Variants in HGD observed in about 807,000 individuals in gnomAD.
HGD encodes the protein homogentisate oxidase.
HGD carries 61 observed loss-of-function variants against 60.8 expected under a neutral mutation model. The observed-to-expected ratio is 1.00, with a 90% CI of 0.82 to 1.24. The LOEUF (loss-of-function observed/expected upper bound fraction) is 1.24, where lower values mean the gene tolerates loss of function less well. Among genes scored for constraint, HGD ranks in the 50% most tolerant of loss-of-function variants. The pLI is 0.00. For missense variants in HGD, 542 were observed against 547.1 expected (o/e 0.99, Z 0.09); for synonymous variants, 212 against 187.7 (o/e 1.13, Z -1.06).
chr3:120,664,995 G>A (rs1236961023), intron 4 of HGD, among the ~76,000 whole-genome samples: 2 of 152,176 alleles, frequency 1.3e-5, no homozygotes, highest in African/African-American at 4.8e-5. Context: ...ATTGCATAGG[G>A]TTAAAGAGTG....
At chr3:120,680,316 T>TTATA (rs1708209439) in intron 1 of HGD, among the ~76,000 whole-genome samples, 1 of 152,236 alleles carries the variant, frequency 6.6e-6, no homozygotes, top group South Asian at 2.1e-4. Flanking sequence ...ATAATGTTTA[T>TTATA]TGATTAGAAT....
chr3:120,633,689 T>C, intron 12 of HGD: 1 of 949,532 alleles, frequency 1.1e-6, no homozygotes, highest in Non-Finnish European at 1.5e-6. Flanking sequence ...GAGCCCTGTA[T>C]CAAAGTTATC....
intron 4 of HGD, among the ~76,000 whole-genome samples, chr3:120,653,255 A>G (rs1218423902): frequency 6.6e-6 from 1 of 152,200 alleles, no homozygotes; most frequent in Non-Finnish European, 1.5e-5. Context: ...AATCACAACA[A>G]TCTTTAATTT....
chr3:120,640,229 C>CG (rs1180231851), intron 11 of HGD, among the ~76,000 whole-genome samples: 1 of 27,432 alleles, frequency 3.6e-5, no homozygotes, highest in Non-Finnish European at 7.0e-5. Flanking sequence ...AAGGACGTGG[C>CG]GGGGATGGGG....
At chr3:120,668,082 C>A (rs1707940907) in intron 4 of HGD, among the ~76,000 whole-genome samples, 1 of 152,068 alleles carries the variant, frequency 6.6e-6, no homozygotes, top group African/African-American at 2.4e-5. Flanking sequence ...AGAATAGGGG[C>A]TGCATTTTGC....
chr3:120,675,048 CACCA>C (rs1399798349), intron 2 of HGD, 59 bp from the exon 3 acceptor site: 3 of 1,139,662 alleles, frequency 2.6e-6, no homozygotes, highest in Non-Finnish European at 4.0e-6. Flanking sequence ...CCCACCTTCC[CACCA>C]ACCAACTCAG....
intron 13 of HGD, among the ~76,000 whole-genome samples, chr3:120,632,133 G>C (rs1940610757): frequency 6.6e-6 from 1 of 152,114 alleles, no homozygotes; most frequent in East Asian, 1.9e-4. Context: ...GCAAGCAAAT[G>C]GGACTCTGAA....
rs2320007 is a variant in HGD at position 120,659,943 on chromosome 3, T to C, written c.283-7292A>G. On this transcript the variant is annotated intron_variant, in intron 4 of 13. Transcript: ENST00000283871. ...TGATGGGAGCAGGAGCAAGAGAGAG[T>C]GGGGGGTGGTTGCATAATGGGGGTG... 2.6e-4 allele frequency among the ~76,000 whole-genome samples: 38 copies of C among 144,784 alleles called. 1 individual carries two copies. Among genetic ancestry groups the C allele is most frequent in the Middle Eastern group, 3.6e-3 (1 of 276 alleles). 95.0% of individuals were successfully genotyped at this position (144,784 alleles called of 152,430 possible).
chr3:120,639,574 G>A (rs111784242), intron 11 of HGD, among the ~76,000 whole-genome samples: 1,526 of 152,314 alleles, frequency 0.01, 17 homozygotes, highest in African/African-American at 0.035. Flanking sequence ...AACCAACGGT[G>A]CCTGCTTCTC....
rs886905654 is a variant in HGD at position 120,638,563 on chromosome 3, C to A, written c.898G>T (p.Val300Leu). 8.7e-6 allele frequency: 14 copies of A among 1,613,838 alleles called. No homozygotes were observed. The highest frequency in any genetic ancestry group is 1.0e-5 in the Non-Finnish European group (12 of 1,179,944). Residue 300 changes from valine to leucine, a missense_variant, in exon 12 of 14, where the codon GTA (valine) becomes TTA (leucine). Coordinates refer to ENST00000283871, the MANE Select transcript of HGD (RefSeq NM_000187.4). ...GGGCGGACAGACTTAGCAGTCAATA[C>A]TGTGAAAATGGATGGGTCCTGTGAA... is the stretch of plus-strand genomic sequence containing the variant. Reference protein sequence around the residue: ...FDHADPSIFTVLTAKSVRPGV... With the variant: ...FDHADPSIFTLLTAKSVRPGV...
chr3:120,641,566 G>T lies in HGD; in HGVS notation c.879+23C>A, dbSNP rs768149630. The stretch of plus-strand genomic sequence containing the variant: ...CACCCAAGCGTTGCCTCATCCCAAG[G>T]CCCCTACAGGGTTCAGACTTACTGC... On this transcript the variant is annotated intron_variant, in intron 11 of 13. Transcript: ENST00000283871. 6.0e-6 allele frequency: 9 copies of T among 1,493,284 alleles called. No homozygotes were observed. In the African/African-American group the frequency reaches 1.1e-4, roughly 18 times the overall value. 92.5% of individuals were successfully genotyped at this position (1,493,284 alleles called of 1,614,324 possible). A position where few individuals can be genotyped will look rare whatever the true frequency, so the allele number is the denominator to read the frequency against.
intron 1 of HGD, among the ~76,000 whole-genome samples, chr3:120,677,119 T>G (rs1331753095): frequency 6.6e-6 from 1 of 152,216 alleles, no homozygotes; most frequent in African/African-American, 2.4e-5. Flanking sequence ...GGAGGATGTA[T>G]ATTGCCTCAG....
In HGD at chr3:120,658,721, G is replaced by A. The variant is rs148615122; in HGVS notation, c.283-6070C>T. Among the ~76,000 whole-genome samples, 145 of 152,268 alleles carry A rather than the reference G, an allele frequency of 9.5e-4. No homozygotes were observed. In the East Asian group the frequency reaches 0.017, roughly 18 times the overall value. ...AGTAGAGGTTCTCTGTGAGCACTCC[G>A]CCCCTGCAGCTGGCTTCTGCCTGAA... On this transcript the variant is annotated intron_variant, in intron 4 of 13. Transcript: ENST00000283871.
intron 6 of HGD, among the ~76,000 whole-genome samples, chr3:120,650,405 C>T (rs569807919): frequency 6.6e-6 from 1 of 152,356 alleles, no homozygotes; most frequent in East Asian, 1.9e-4. Flanking sequence ...CCATTGGTCA[C>T]TCATATTTGG....
chr3:120,659,519 C>T (rs1302860172), intron 4 of HGD, among the ~76,000 whole-genome samples: 1 of 152,206 alleles, frequency 6.6e-6, no homozygotes, highest in African/African-American at 2.4e-5. Context: ...CATTTGAGAT[C>T]TCCTCAGCCT....
At chr3:120,658,621 A>G (rs1559794139) in intron 4 of HGD, among the ~76,000 whole-genome samples, 1 of 152,206 alleles carries the variant, frequency 6.6e-6, no homozygotes, top group African/African-American at 2.4e-5. Flanking sequence ...CTCTTCTCAT[A>G]GCTCCACTAG....
chr3:120,639,157 T>C lies in HGD; in HGVS notation c.880-576A>G, dbSNP rs1940888429. ...AGTATGAAAATGGACTAATACAGGA[T>C]CCCATCACCCAGGTAGCGAGCATAG... On this transcript the variant is annotated intron_variant, in intron 11 of 13. Coordinates refer to ENST00000283871, the MANE Select transcript of HGD (RefSeq NM_000187.4). 2.0e-5 allele frequency among the ~76,000 whole-genome samples: 3 copies of C among 152,230 alleles called. No individual in the cohort carries two copies. The South Asian group carries it at 6.2e-4, about 32-fold the overall frequency.
chr3:120,647,545 T>C (rs917225770), intron 7 of HGD, among the ~76,000 whole-genome samples: 2 of 152,238 alleles, frequency 1.3e-5, no homozygotes, highest in Non-Finnish European at 2.9e-5. Flanking sequence ...GGGCTTTTAC[T>C]GAGAGAGTTT....
chr3:120,638,660 G>C lies in HGD; in HGVS notation c.880-79C>G. 2.0e-6 allele frequency: 3 copies of C among 1,507,240 alleles called. No individual in the cohort carries two copies. In the South Asian group the frequency reaches 3.4e-5, roughly 17 times the overall value. 93.4% of individuals were successfully genotyped at this position (1,507,240 alleles called of 1,614,324 possible). A position where few individuals can be genotyped will look rare whatever the true frequency, so the allele number is the denominator to read the frequency against. Reference sequence around the variant, plus strand: ...AATGACACACATTTCATGCATACATGAAGGTGTTTGCAAGTGACATTCTAA... The same window carrying C: ...AATGACACACATTTCATGCATACATCAAGGTGTTTGCAAGTGACATTCTAA... On this transcript the variant is annotated intron_variant, in intron 11 of 13. Coordinates refer to ENST00000283871, the MANE Select transcript of HGD (RefSeq NM_000187.4).
Sources: gnomAD v4.1 joint callset for allele counts (sites outside exome capture counted in the v4.1 genomes callset) on GRCh38, gnomAD v4.1.1 for gene constraint, MANE v1.5 for transcripts, NCBI Gene and HGNC (gene_info 2026-07-23, HGNC 2026-07-21) for gene names.